Variants in SEM1 observed in about 807,000 individuals in gnomAD.
SEM1 encodes SEM1 26S proteasome subunit.
In SEM1, 3 loss-of-function variants were observed where a neutral mutation model predicts 12.7. The ratio of observed to expected loss-of-function variants is 0.24; its 90% CI spans 0.11 to 0.61. The LOEUF is 0.61. Ranked by LOEUF, SEM1 falls within the 20% of genes least tolerant of loss-of-function variation. The probability of loss-of-function intolerance (pLI) is 0.88; values close to 1 mark genes in which losing one functional copy is unlikely to be tolerated. For missense variants in SEM1, 59 were observed against 81.3 expected (o/e 0.73, Z 1.06); for synonymous variants, 30 against 27.8 (o/e 1.08, Z -0.25).
chr7:96,561,951 T>C (rs1020430391), intron 2 of SEM1, among the ~76,000 whole-genome samples: 3 of 152,196 alleles, frequency 2.0e-5, no homozygotes, highest in African/African-American at 7.2e-5. Flanking sequence ...CTAAAAGGGA[T>C]AGAACACTTA....
rs932454532 is a variant in SEM1 at position 96,703,258 on chromosome 7, G to A, written c.76+6430C>T. On this transcript the variant is annotated intron_variant, in intron 1 of 2. Coordinates refer to ENST00000248566, the MANE Select transcript of SEM1 (RefSeq NM_006304.2). ...GAGATTCCGGAGGATTTCAGATTTG[G>A]GATGCTCAACCTATAGTAATGCATC... Among the ~76,000 whole-genome samples the A allele has an allele frequency of 3.3e-5, 5 of 152,090 alleles. No homozygotes were observed. In the South Asian group the frequency reaches 1.0e-3, roughly 32 times the overall value.
At chr7:96,576,575 G>T (rs1046893205) in intron 2 of SEM1, among the ~76,000 whole-genome samples, 1 of 151,936 alleles carries the variant, frequency 6.6e-6, no homozygotes, top group African/African-American at 2.4e-5. Context: ...TTTCACATAT[G>T]TTTAATTTCA....
At chr7:96,546,268 G>A (rs1054409589) in intron 2 of SEM1, among the ~76,000 whole-genome samples, 28 of 152,028 alleles carry the variant, frequency 1.8e-4, no homozygotes, top group Admixed American at 2.6e-4. Context: ...ACTCACCATC[G>A]GAGGGGAAGA....
intron 2 of SEM1, among the ~76,000 whole-genome samples, chr7:96,549,765 T>C (rs984780049): frequency 2.3e-4 from 35 of 152,276 alleles, no homozygotes; most frequent in African/African-American, 8.2e-4. Context: ...ATTTAGTTCT[T>C]TTTTTCCCTA....
chr7:96,652,831 A>T lies in SEM1; in HGVS notation c.171-30188T>A, dbSNP rs1809044504. ...CATGCATTGAAGAGTCTGTGAACGG[A>T]ATAAAAATGATCCCCCTTTTCTTTG... On this transcript the variant is annotated intron_variant, in intron 2 of 2. Coordinates refer to the SEM1 transcript ENST00000417009. 3.9e-5 allele frequency among the ~76,000 whole-genome samples: 6 copies of T among 152,224 alleles called. No individual in the cohort carries two copies. The South Asian group carries it at 1.2e-3, about 31-fold the overall frequency.
chr7:96,646,792 TCA>T (rs1323384339), intron 2 of SEM1, among the ~76,000 whole-genome samples: 1 of 152,062 alleles, frequency 6.6e-6, no homozygotes, highest in Non-Finnish European at 1.5e-5. Flanking sequence ...CATGTAAGAG[TCA>T]CAGAGTTTAT....
chr7:96,504,373 C>T (rs1803677140), intron 3 of SEM1, among the ~76,000 whole-genome samples: 1 of 152,034 alleles, frequency 6.6e-6, no homozygotes, highest in African/African-American at 2.4e-5. Flanking sequence ...TTATTTTTCC[C>T]CAGTTAGGTT....
chr7:96,562,091 A>G (rs917073619), intron 2 of SEM1, among the ~76,000 whole-genome samples: 4 of 152,240 alleles, frequency 2.6e-5, no homozygotes, highest in Admixed American at 6.5e-5. Context: ...TATAATTCCA[A>G]TGACCACATG....
intron 2 of SEM1, among the ~76,000 whole-genome samples, chr7:96,610,486 C>A (rs1807508011): frequency 1.3e-5 from 2 of 152,158 alleles, no homozygotes; most frequent in Non-Finnish European, 2.9e-5. Context: ...CAATGATACT[C>A]TAGGTAAGAG....
intron 2 of SEM1, among the ~76,000 whole-genome samples, chr7:96,551,422 G>T (rs756321439): frequency 6.6e-6 from 1 of 152,104 alleles, no homozygotes; most frequent in African/African-American, 2.4e-5. Flanking sequence ...CACAGAGGCC[G>T]GGTGCAGTGG....
chr7:96,525,663 G>C (rs1290030647), intron 2 of SEM1, among the ~76,000 whole-genome samples: 1 of 152,022 alleles, frequency 6.6e-6, no homozygotes, highest in African/African-American at 2.4e-5. Context: ...TAAAGCAGGG[G>C]TCTCCACCCC....
chr7:96,541,431 G>GGTTTTTTTTTTGTTTTTTTT (rs1554412360), intron 2 of SEM1, among the ~76,000 whole-genome samples: 4 of 121,504 alleles, frequency 3.3e-5, no homozygotes, highest in Middle Eastern at 4.1e-3. Flanking sequence ...TTTTTAATGG[G>GGTTTTTTTTTTGTTTTTTTT]TTTTTTTTTT....
intron 2 of SEM1, among the ~76,000 whole-genome samples, chr7:96,545,075 C>G (rs1805065776): frequency 6.6e-6 from 1 of 151,938 alleles, no homozygotes; most frequent in African/African-American, 2.4e-5. Flanking sequence ...TCTTGTAAAG[C>G]CTTCCCTGAC....
At chr7:96,670,646 C>T (rs888814032), downstream of SEM1, among the ~76,000 whole-genome samples, 2 of 152,176 alleles carry the variant, frequency 1.3e-5, no homozygotes, top group African/African-American at 4.8e-5. Flanking sequence ...AATTTCTAAA[C>T]TGAAGCATTC....
chr7:96,515,644 A>C (rs999242041), intron 2 of SEM1, among the ~76,000 whole-genome samples: 2 of 152,226 alleles, frequency 1.3e-5, no homozygotes, highest in African/African-American at 4.8e-5. Flanking sequence ...CATCAATGAT[A>C]GACTGGATTA....
chr7:96,709,430 G>A (rs185182291), intron 1 of SEM1, among the ~76,000 whole-genome samples: 113 of 152,306 alleles, frequency 7.4e-4, no homozygotes, highest in African/African-American at 2.6e-3. Context: ...CAGACGCGGG[G>A]CTATGGGTCC....
upstream of SEM1, among the ~76,000 whole-genome samples, chr7:96,497,163 G>T (rs1379666560): frequency 6.6e-6 from 1 of 151,880 alleles, no homozygotes; most frequent in East Asian, 1.9e-4. Flanking sequence ...TAACTTCATA[G>T]GTTGTTAAAT....
At chr7:96,488,727 G>A (rs1802868617) in intron 1 of SEM1, among the ~76,000 whole-genome samples, 1 of 152,058 alleles carries the variant, frequency 6.6e-6, no homozygotes, top group African/African-American at 2.4e-5. Flanking sequence ...TTTCATCAAG[G>A]GGGACAATTT....
chr7:96,602,233 G>A (rs1807217657), intron 2 of SEM1, among the ~76,000 whole-genome samples: 1 of 152,210 alleles, frequency 6.6e-6, no homozygotes, highest in Non-Finnish European at 1.5e-5. Context: ...TCAAAAGAAT[G>A]AGTGGGGATA....
Sources: allele counts gnomAD v4.1 joint callset (sites outside exome capture counted in the v4.1 genomes callset), GRCh38; gene constraint gnomAD v4.1.1; transcripts MANE v1.5; gene names NCBI Gene and HGNC (gene_info 2026-07-23, HGNC 2026-07-21).